The following RBFOX3 variants were observed in gnomAD, a reference collection of about 807,000 sequenced individuals.
The protein encoded by RBFOX3 is RNA binding fox-1 homolog 3.
RBFOX3 carries 17 observed loss-of-function variants against 48.7 expected under a neutral mutation model. That is an observed-to-expected ratio of 0.35 (90% CI 0.24 to 0.52). The LOEUF is 0.52. Among genes scored for constraint, RBFOX3 ranks in the 20% least tolerant of loss-of-function variants. The probability of loss-of-function intolerance (pLI) is 0.94; values close to 1 mark genes in which losing one functional copy is unlikely to be tolerated. For synonymous variants in RBFOX3, 212 were observed against 209.5 expected (o/e 1.01, Z -0.10); for missense variants, 382 against 497.5 (o/e 0.77, Z 2.21).
chr17:79,601,204 G>C (rs2093697978), intron 1 of RBFOX3: 1 of 152,136 alleles, frequency 6.6e-6, no homozygotes, highest in Non-Finnish European at 1.5e-5. Context: ...AGGGAGTCTT[G>C]GCATTCCCTT....
At chr17:79,483,969 T>C (rs1029638811) in intron 1 of RBFOX3, among the ~76,000 whole-genome samples, 3 of 149,152 alleles carry the variant, frequency 2.0e-5, no homozygotes, top group African/African-American at 7.4e-5. Context: ...AAGTCTTGTT[T>C]GCTTAATTTA....
chr17:79,182,749 C>A (rs538783803), intron 4 of RBFOX3, among the ~76,000 whole-genome samples: 20 of 152,016 alleles, frequency 1.3e-4, no homozygotes, highest in African/African-American at 4.1e-4. Flanking sequence ...GCCTCCCTCG[C>A]CAGGCGGGTG....
chr17:79,584,740 T>C (rs1279819765), intron 1 of RBFOX3, among the ~76,000 whole-genome samples: 2 of 151,078 alleles, frequency 1.3e-5, no homozygotes, highest in East Asian at 2.0e-4. Context: ...AGATTAAGAA[T>C]GATACACTGG....
At chr17:79,408,179 G>C (rs1292494466) in intron 2 of RBFOX3, among the ~76,000 whole-genome samples, 1 of 152,166 alleles carries the variant, frequency 6.6e-6, no homozygotes. Flanking sequence ...GGCAGGCTGC[G>C]TATCTAGCAG....
At chr17:79,335,701 C>G (rs1163615535) in intron 2 of RBFOX3, among the ~76,000 whole-genome samples, 1 of 152,314 alleles carries the variant, frequency 6.6e-6, no homozygotes, top group Non-Finnish European at 1.5e-5. Flanking sequence ...GGCCCTGCTC[C>G]CACGTGCTCA....
In RBFOX3 at chr17:79,090,716, G is replaced by T; in HGVS notation, c.*167C>A. ...GCCGGCGTGCTCCCTCGGTGCGGGC[G>T]TGTGGCCAGGACGCGGGACTTGGAC... On this transcript the variant is annotated 3_prime_UTR_variant, in exon 15 of 15. Coordinates refer to ENST00000693108, the MANE Select transcript of RBFOX3 (RefSeq NM_001350451.2). 3.5e-6 allele frequency: 3 copies of T among 847,090 alleles called. No homozygotes were observed. Among genetic ancestry groups the T allele is most frequent in the Non-Finnish European group, 5.4e-6 (3 of 554,056 alleles). 52.5% of individuals were successfully genotyped at this position (847,090 alleles called of 1,614,324 possible). A position where few individuals can be genotyped will look rare whatever the true frequency, so the allele number is the denominator to read the frequency against.
At chr17:79,347,425 A>T (rs9898046) in intron 2 of RBFOX3, among the ~76,000 whole-genome samples, 1 of 151,984 alleles carries the variant, frequency 6.6e-6, no homozygotes, top group Non-Finnish European at 1.5e-5. Flanking sequence ...TTTTCTTCAT[A>T]TATGTCCTCT....
rs2078951980 is a variant in RBFOX3 at position 79,482,812 on chromosome 17, C to T, written c.-319-214G>A. On this transcript the variant is annotated intron_variant, in intron 1 of 14. Transcript: ENST00000693108. The surrounding 1 kb of genome is among the most constrained non-coding windows in gnomAD (Gnocchi z 4.1). ...GGAGTAAAAGGAAACTTGCAGAAAA[C>T]ACATCATTAGGACCCTATTGCCAAA... Among the ~76,000 whole-genome samples, 1 of 151,984 alleles carries T rather than the reference C, an allele frequency of 6.6e-6. No individual in the cohort carries two copies. Among genetic ancestry groups the T allele is most frequent in the African/African-American group, 2.4e-5 (1 of 41,336 alleles).
intron 4 of RBFOX3, among the ~76,000 whole-genome samples, chr17:79,160,655 C>A (rs1000828329): frequency 1.4e-5 from 2 of 144,516 alleles, no homozygotes; most frequent in Non-Finnish European, 2.9e-5. Flanking sequence ...TTCCCCCATT[C>A]ATTCATTCAT....
chr17:79,458,082 C>T (rs2074820708), intron 2 of RBFOX3, among the ~76,000 whole-genome samples: 1 of 152,188 alleles, frequency 6.6e-6, no homozygotes, highest in South Asian at 2.1e-4. Context: ...CCGGGTGTGC[C>T]TCCCCAGGTG....
chr17:79,652,146 G>T, the RBFOX3 span, among the ~76,000 whole-genome samples: 7 of 152,154 alleles, frequency 4.6e-5, no homozygotes, highest in African/African-American at 1.4e-4. Context: ...AAACCATTGT[G>T]TTTGGGGGTA....
At position 79,139,020 on chromosome 17, in the gene RBFOX3, G is replaced by A. The variant is rs200074436; in HGVS notation, c.-33-23272C>T. Among the ~76,000 whole-genome samples, 6 of 64,962 alleles carry A rather than the reference G, an allele frequency of 9.2e-5. No homozygotes were observed. The East Asian group carries it at 1.7e-3, about 19-fold the overall frequency. The allele number at this position is 64,962 out of a possible 152,430, so 42.6% of individuals were successfully genotyped here. A position where few individuals can be genotyped will look rare whatever the true frequency, so the allele number is the denominator to read the frequency against. ...ACATGCACACAGCACATGCGTTCAT[G>A]CCCTCACCCACACACGCACGCACAC... On this transcript the variant is annotated intron_variant, in intron 4 of 14. Coordinates refer to ENST00000693108, the MANE Select transcript of RBFOX3 (RefSeq NM_001350451.2).
chr17:79,111,087 GC>G lies in RBFOX3; in HGVS notation c.223-4300del, dbSNP rs1467684662. On this transcript the variant is annotated intron_variant, in intron 5 of 14. Coordinates refer to ENST00000693108, the MANE Select transcript of RBFOX3 (RefSeq NM_001350451.2). This position sits in a 1 kb window ranked among gnomAD's most constrained non-coding sequence, Gnocchi z 4.2. ...GAGGTGGTCCAAATGGAAGATCAGG[GC>G]AAGTGCGGGAGTTTCCGAGGAGGCT... Among the ~76,000 whole-genome samples the G allele has an allele frequency of 6.6e-6, 1 of 152,254 alleles. No individual in the cohort carries two copies. Among genetic ancestry groups the G allele is most frequent in the Non-Finnish European group, 1.5e-5 (1 of 68,048 alleles).
intron 4 of RBFOX3, among the ~76,000 whole-genome samples, chr17:79,213,068 G>A (rs754020648): frequency 6.6e-6 from 1 of 152,132 alleles, no homozygotes; most frequent in Non-Finnish European, 1.5e-5. Context: ...TGTTGGCCAG[G>A]CTGGTCATGA....
rs567585940 is a variant in RBFOX3, at chr17:79,443,113, C to A, written c.-175+39341G>T. On this transcript the variant is annotated intron_variant, in intron 2 of 14. Coordinates refer to ENST00000693108, the MANE Select transcript of RBFOX3 (RefSeq NM_001350451.2). This position sits in a 1 kb window ranked among gnomAD's most constrained non-coding sequence, Gnocchi z 4.4. ...CAGTGGTGGCCTCTGCCCCTGTGGACAAAACCGGAGCTCAGCCTCCCATGT... is the reference window on the plus strand; with the variant it reads ...CAGTGGTGGCCTCTGCCCCTGTGGAAAAAACCGGAGCTCAGCCTCCCATGT... 6.8e-4 allele frequency among the ~76,000 whole-genome samples: 103 copies of A among 152,336 alleles called. 2 individuals carry two copies. In the South Asian group the frequency reaches 0.017, roughly 25 times the overall value.
At chr17:79,561,043 A>G (rs2092180800) in intron 1 of RBFOX3, among the ~76,000 whole-genome samples, 1 of 152,012 alleles carries the variant, frequency 6.6e-6, no homozygotes, top group Non-Finnish European at 1.5e-5. Context: ...CCTCTCCCAC[A>G]ATCAGCTGCA....
rs182017655 is a variant in RBFOX3, at chr17:79,392,951, T to G, written c.-174-85127A>C. On this transcript the variant is annotated intron_variant, in intron 2 of 14. Coordinates refer to ENST00000693108, the MANE Select transcript of RBFOX3 (RefSeq NM_001350451.2). The surrounding 1 kb of genome is among the most constrained non-coding windows in gnomAD (Gnocchi z 5.0). The stretch of plus-strand genomic sequence containing the variant: ...ATTTATCAGTTAACGAACACACATT[T>G]CCTTTCCCCAAACCTAAACTACCAA... 7.7e-4 allele frequency among the ~76,000 whole-genome samples: 117 copies of G among 152,288 alleles called. No homozygotes were observed. Among genetic ancestry groups the G allele is most frequent in the Non-Finnish European group, 2.5e-4 (17 of 68,022 alleles).
rs1011181002 is a variant in RBFOX3 at position 79,392,074 on chromosome 17, C to T, written c.-174-84250G>A. On this transcript the variant is annotated intron_variant, in intron 2 of 14. Coordinates refer to ENST00000693108, the MANE Select transcript of RBFOX3 (RefSeq NM_001350451.2). The surrounding 1 kb of genome is among the most constrained non-coding windows in gnomAD (Gnocchi z 5.0). The stretch of plus-strand genomic sequence containing the variant: ...CAACAGGGTTCCCATAGTGCCCGGG[C>T]ACTTCGGACCCGCTGCGGGACCTTG... 6.6e-6 allele frequency among the ~76,000 whole-genome samples: 1 copy of T among 152,216 alleles called. No homozygotes were observed. The highest frequency in any genetic ancestry group is 6.5e-5 in the Admixed American group (1 of 15,280).
chr17:79,094,287 G>A (rs2074678373), intron 14 of RBFOX3, 164 bp downstream of exon 14: 3 of 512,726 alleles, frequency 5.9e-6, no homozygotes, highest in South Asian at 3.0e-5. Context: ...GGCGTGAGGG[G>A]CCAGCCCTCC....
Sources: allele counts gnomAD v4.1 joint callset (sites outside exome capture counted in the v4.1 genomes callset), GRCh38; gene constraint gnomAD v4.1.1; non-coding constraint Gnocchi (gnomAD v3.1); transcripts MANE v1.5; gene names NCBI Gene and HGNC (gene_info 2026-07-23, HGNC 2026-07-21).